Variants in HPSE2 observed in about 807,000 individuals in gnomAD.
HPSE2 encodes heparanase 2 (inactive), also known as inactive heparanase-2.
HPSE2 carries 38 observed loss-of-function variants against 60.5 expected under a neutral mutation model. That is an observed-to-expected ratio of 0.63 (90% CI 0.48 to 0.82). The LOEUF is 0.82. HPSE2 is among the 40% of genes least tolerant of loss of function. HPSE2 has a pLI of 0.00. For synonymous variants in HPSE2, 295 were observed against 293.2 expected, an observed-to-expected ratio of 1.01 and a Z score of -0.06; for missense variants, 713 against 740.4, an observed-to-expected ratio of 0.96 and a Z score of 0.43.
At chr10:99,027,982 C>T (rs11516930) in intron 3 of HPSE2, among the ~76,000 whole-genome samples, 69,996 of 151,940 alleles carry the variant, frequency 0.46, 18,611 homozygotes, top group Non-Finnish European at 0.6. Flanking sequence ...CCTCAAAAAA[C>T]TGGGGAAGGA....
rs532517970 is a variant in HPSE2 at position 99,004,717 on chromosome 10, GTACT to G, written c.610+139517_610+139520del. ...ATTAGATAATTCTAAATTTGACTGT[GTACT>G]TACTTTTACTAGTGAGTTTTATACC... On this transcript the variant is annotated intron_variant, in intron 3 of 11. Transcript: ENST00000370552. Among the ~76,000 whole-genome samples, 363 of 152,224 alleles carry G rather than the reference GTACT, an allele frequency of 2.4e-3. 1 individual carries two copies. Among genetic ancestry groups the G allele is most frequent in the African/African-American group, 8.5e-3 (354 of 41,532 alleles).
intron 3 of HPSE2, among the ~76,000 whole-genome samples, chr10:99,016,575 T>C (rs1197305017): frequency 2.6e-5 from 4 of 152,156 alleles, no homozygotes; most frequent in Non-Finnish European, 5.9e-5. Flanking sequence ...ACAATGTCAA[T>C]GGTAGTTTAA....
Position 98,706,509 on chromosome 10 carries a change from T to C in HPSE2, c.957-12562A>G, listed in dbSNP as rs75336748. 3.7e-3 allele frequency among the ~76,000 whole-genome samples: 560 copies of C among 152,262 alleles called. 4 individuals are homozygous for C. Among genetic ancestry groups the C allele is most frequent in the African/African-American group, 0.013 (538 of 41,534 alleles). On this transcript the variant is annotated intron_variant, in intron 5 of 11. Coordinates refer to ENST00000370552, the MANE Select transcript of HPSE2 (RefSeq NM_021828.5). ...GACATACCAAAATTTCTGTGTGCTG[T>C]AACAGATTATTAGTTTGTACCAGTA... is the stretch of plus-strand genomic sequence containing the variant.
At chr10:98,565,232 T>C (rs930788556) in intron 9 of HPSE2, among the ~76,000 whole-genome samples, 6 of 151,950 alleles carry the variant, frequency 3.9e-5, no homozygotes, top group Non-Finnish European at 7.4e-5. Context: ...TAGGTATACA[T>C]GTGCCATGGT....
At chr10:98,872,715 C>T (rs1396582273) in intron 3 of HPSE2, among the ~76,000 whole-genome samples, 2 of 152,050 alleles carry the variant, frequency 1.3e-5, no homozygotes, top group Non-Finnish European at 2.9e-5. Context: ...CCATAGCTGA[C>T]TAGAATATCT....
the HPSE2 span, among the ~76,000 whole-genome samples, chr10:99,277,070 T>G: frequency 2.0e-5 from 3 of 152,032 alleles, no homozygotes; most frequent in African/African-American, 7.2e-5. Context: ...ATCTTGTGGG[T>G]TTTTATCTAA....
At chr10:99,238,825 T>C (rs1369548804), upstream of HPSE2, among the ~76,000 whole-genome samples, 2 of 152,172 alleles carry the variant, frequency 1.3e-5, no homozygotes, top group Non-Finnish European at 2.9e-5. Context: ...TTGTCTTAGA[T>C]TGTAACTTCC....
intron 10 of HPSE2, 98 bp from the exon 11 acceptor site, chr10:98,482,880 T>C (rs1436121372): frequency 7.6e-7 from 1 of 1,323,396 alleles, no homozygotes; most frequent in Non-Finnish European, 1.1e-6. Flanking sequence ...TGAACAGCCC[T>C]GAAAATGGCA....
chr10:99,047,647 T>C (rs1589572116), intron 3 of HPSE2: 2 of 732,518 alleles, frequency 2.7e-6, no homozygotes, highest in Admixed American at 1.9e-5. Flanking sequence ...CCATGGATGG[T>C]GTAGAAGAGA....
intron 1 of HPSE2, among the ~76,000 whole-genome samples, chr10:99,233,849 G>A (rs886109590): frequency 1.3e-5 from 2 of 152,170 alleles, no homozygotes; most frequent in African/African-American, 4.8e-5. Context: ...CCGGTCCTGG[G>A]GAAAGGGCAG....
At chr10:98,709,479 C>T (rs973156453) in intron 5 of HPSE2, among the ~76,000 whole-genome samples, 1 of 152,150 alleles carries the variant, frequency 6.6e-6, no homozygotes, top group Non-Finnish European at 1.5e-5. Flanking sequence ...ACTATGATCT[C>T]AGAGGACAAG....
intron 3 of HPSE2, among the ~76,000 whole-genome samples, chr10:99,062,513 TTC>T (rs1228533751): frequency 6.6e-6 from 1 of 152,146 alleles, no homozygotes; most frequent in Non-Finnish European, 1.5e-5. Flanking sequence ...AGCTTTTTTT[TTC>T]TGTTGCATTT....
At chr10:99,188,777 A>C (rs1179541072) in intron 2 of HPSE2, among the ~76,000 whole-genome samples, 1 of 152,224 alleles carries the variant, frequency 6.6e-6, no homozygotes, top group Non-Finnish European at 1.5e-5. Context: ...TAATTTGTTT[A>C]AATATTTTTA....
intron 9 of HPSE2, among the ~76,000 whole-genome samples, chr10:98,579,122 C>G (rs7083561): frequency 0.56 from 85,698 of 151,936 alleles, 24,402 homozygotes; most frequent in Middle Eastern, 0.65. Flanking sequence ...CGAAGAATGG[C>G]AAGACCCGGA....
rs1356969495 is a variant in HPSE2, at chr10:99,120,760, C to T, written c.610+23478G>A. The stretch of plus-strand genomic sequence containing the variant: ...GTTCTGGGATTACAGGCATGAGCCA[C>T]CATGCTCGGCCAACCATTCTAACTT... On this transcript the variant is annotated intron_variant, in intron 3 of 11. Coordinates refer to ENST00000370552, the MANE Select transcript of HPSE2 (RefSeq NM_021828.5). Among the ~76,000 whole-genome samples, 4 of 152,296 alleles carry T rather than the reference C, an allele frequency of 2.6e-5. No individual in the cohort carries two copies. The East Asian group carries it at 7.7e-4, about 29-fold the overall frequency.
intron 7 of HPSE2, among the ~76,000 whole-genome samples, 161 bp from the exon 8 acceptor site, chr10:98,620,869 G>A (rs1234721692): frequency 6.6e-6 from 1 of 152,110 alleles, no homozygotes; most frequent in Non-Finnish European, 1.5e-5. Context: ...CAGTGAGTTG[G>A]CATTCACAAA....
chr10:98,548,459 A>T (rs1564959210), intron 9 of HPSE2, among the ~76,000 whole-genome samples: 2 of 152,108 alleles, frequency 1.3e-5, no homozygotes, highest in Admixed American at 6.6e-5. Flanking sequence ...TCTACTAAAA[A>T]TATAAAAATT....
intron 3 of HPSE2, among the ~76,000 whole-genome samples, chr10:98,778,276 G>GAGAGAGAGAGAGAGAT (rs1474662514): frequency 6.7e-6 from 1 of 150,250 alleles, no homozygotes; most frequent in Non-Finnish European, 1.5e-5. Flanking sequence ...GAGAGAGAGA[G>GAGAGAGAGAGAGAGAT]AGAGAGAGAG....
chr10:99,263,422 G>A, the HPSE2 span, among the ~76,000 whole-genome samples: 1 of 152,146 alleles, frequency 6.6e-6, no homozygotes, highest in Non-Finnish European at 1.5e-5. Flanking sequence ...TGTTATATGG[G>A]CTGAAAGAGG....
Sources: allele counts gnomAD v4.1 joint callset (sites outside exome capture counted in the v4.1 genomes callset), GRCh38; gene constraint gnomAD v4.1.1; transcripts MANE v1.5; gene names NCBI Gene and HGNC (gene_info 2026-07-23, HGNC 2026-07-21).